The following CSMD1 variants were observed in gnomAD, a reference collection of about 807,000 sequenced individuals.
CSMD1 encodes the protein CUB and Sushi multiple domains 1, also known as CUB and sushi domain-containing protein 1.
Under a neutral mutation model 417.5 loss-of-function variants are expected in CSMD1, and 213 were observed. That is an observed-to-expected ratio of 0.51 (90% CI 0.46 to 0.57). The LOEUF (loss-of-function observed/expected upper bound fraction) is 0.57. CSMD1 is among the 20% of genes least tolerant of loss of function. The pLI, the probability that CSMD1 is intolerant of heterozygous loss-of-function variation, is 0.00. For synonymous variants in CSMD1, 2,862 were observed against 1,736.8 expected (o/e 1.65, Z -16.11); for missense variants, 6,923 against 4,529.7 (o/e 1.53, Z -15.17).
rs537082583 is a variant in CSMD1, at chr8:4,858,216, C to A, written c.85+136116G>T. Among the ~76,000 whole-genome samples, 130 of 149,284 alleles carry A rather than the reference C, an allele frequency of 8.7e-4. 1 individual carries two copies. The highest frequency in any genetic ancestry group is 3.1e-3 in the African/African-American group (123 of 40,268). On this transcript the variant is annotated intron_variant, in intron 1 of 69. Transcript: ENST00000635120. ...AAAGCCTTTGACAAAATTCAACAAA[C>A]CTTCATGCTAAAAACTCTCAATAAA... is the stretch of plus-strand genomic sequence containing the variant.
chr8:4,286,618 C>G (rs370746484), intron 3 of CSMD1, among the ~76,000 whole-genome samples: 7 of 152,246 alleles, frequency 4.6e-5, no homozygotes, highest in African/African-American at 1.7e-4. Flanking sequence ...GGGAACACCA[C>G]TTGACCTCGA....
At chr8:4,966,260 T>C (rs1188105902) in intron 1 of CSMD1, among the ~76,000 whole-genome samples, 2 of 147,546 alleles carry the variant, frequency 1.4e-5, no homozygotes, top group South Asian at 2.2e-4. Flanking sequence ...ATGCCTGTAA[T>C]CCCAGCTACT....
intron 1 of CSMD1, among the ~76,000 whole-genome samples, chr8:4,986,598 G>GA (rs143440043): frequency 0.015 from 2,289 of 151,612 alleles, 54 homozygotes; most frequent in African/African-American, 0.051. Flanking sequence ...AACAGTAAAA[G>GA]AAAAAAAATA....
At chr8:4,079,791 A>T (rs1194866176) in intron 3 of CSMD1, among the ~76,000 whole-genome samples, 1 of 152,134 alleles carries the variant, frequency 6.6e-6, no homozygotes, top group Non-Finnish European at 1.5e-5. Context: ...TCTTTTCATC[A>T]GGTTAGTAGC....
chr8:4,473,729 T>A (rs1339445282), intron 2 of CSMD1, among the ~76,000 whole-genome samples: 2 of 152,198 alleles, frequency 1.3e-5, no homozygotes, highest in Non-Finnish European at 2.9e-5. Flanking sequence ...TAGCATGTAG[T>A]AACACATAAA....
At chr8:3,478,953 G>A (rs998214582) in intron 11 of CSMD1, among the ~76,000 whole-genome samples, 3 of 151,854 alleles carry the variant, frequency 2.0e-5, no homozygotes, top group South Asian at 2.1e-4. Flanking sequence ...TAGGTGACGG[G>A]GCACTGCAAA....
chr8:4,708,340 C>G (rs753858754), intron 1 of CSMD1, among the ~76,000 whole-genome samples: 2 of 152,130 alleles, frequency 1.3e-5, no homozygotes, highest in Non-Finnish European at 2.9e-5. Context: ...AATGTAAGCT[C>G]CGTGAACATT....
At chr8:4,884,386 C>A (rs1445454827) in intron 1 of CSMD1, among the ~76,000 whole-genome samples, 1 of 151,948 alleles carries the variant, frequency 6.6e-6, no homozygotes, top group African/African-American at 2.4e-5. Flanking sequence ...TGATGAAGTC[C>A]AATATCTATA....
intron 7 of CSMD1, among the ~76,000 whole-genome samples, chr8:3,624,589 G>A (rs1323311026): frequency 2.0e-5 from 3 of 152,098 alleles, no homozygotes; most frequent in Non-Finnish European, 4.4e-5. Context: ...CCTTCAGAGA[G>A]GTGACGTATG....
intron 5 of CSMD1, among the ~76,000 whole-genome samples, chr8:3,911,295 T>C (rs187777401): frequency 2.6e-5 from 4 of 151,862 alleles, no homozygotes; most frequent in African/African-American, 4.9e-5. Flanking sequence ...TCTATAATCA[T>C]AGATCCTTTT....
At chr8:3,677,049 T>A (rs1426893426) in intron 7 of CSMD1, among the ~76,000 whole-genome samples, 1 of 151,942 alleles carries the variant, frequency 6.6e-6, no homozygotes, top group Non-Finnish European at 1.5e-5. Context: ...AAATACCTAA[T>A]GCATACGGGG....
At chr8:3,062,372 T>C (rs896053999) in intron 49 of CSMD1, among the ~76,000 whole-genome samples, 2 of 152,168 alleles carry the variant, frequency 1.3e-5, no homozygotes, top group East Asian at 3.9e-4. Flanking sequence ...TTTTCTTTAC[T>C]ATGTGTAGGT....
intron 41 of CSMD1, among the ~76,000 whole-genome samples, chr8:3,139,113 C>G (rs543142303): frequency 6.6e-6 from 1 of 152,098 alleles, no homozygotes; most frequent in African/African-American, 2.4e-5. Context: ...AGCTCAGCTT[C>G]GGGCACATGT....
chr8:3,429,515 T>C (rs1814076976), intron 12 of CSMD1, among the ~76,000 whole-genome samples: 1 of 152,132 alleles, frequency 6.6e-6, no homozygotes, highest in South Asian at 2.1e-4. Context: ...GAAAAAGGCA[T>C]GAAGACACTT....
At chr8:4,056,798 T>A (rs1209590806) in intron 3 of CSMD1, among the ~76,000 whole-genome samples, 1 of 152,130 alleles carries the variant, frequency 6.6e-6, no homozygotes, top group East Asian at 1.9e-4. Flanking sequence ...TCGTTTTTTG[T>A]CCTTGTGATA....
chr8:4,043,808 C>T (rs1274283335), intron 3 of CSMD1, among the ~76,000 whole-genome samples: 2 of 152,138 alleles, frequency 1.3e-5, no homozygotes, highest in African/African-American at 2.4e-5. Context: ...AAACCTTACA[C>T]GTCTCCAAAT....
At chr8:3,238,502 G>A (rs142642928) in intron 26 of CSMD1, among the ~76,000 whole-genome samples, 1,928 of 152,182 alleles carry the variant, frequency 0.013, 94 homozygotes, top group Admixed American at 0.089. Flanking sequence ...GACATAATGG[G>A]CGATGTTTCT....
intron 26 of CSMD1, among the ~76,000 whole-genome samples, chr8:3,261,074 C>G (rs972114964): frequency 5.3e-5 from 8 of 152,108 alleles, no homozygotes; most frequent in African/African-American, 1.9e-4. Flanking sequence ...TGAAAAGATG[C>G]TCTAAATTAG....
At chr8:3,907,681 T>G (rs1226659173) in intron 5 of CSMD1, among the ~76,000 whole-genome samples, 4 of 152,178 alleles carry the variant, frequency 2.6e-5, no homozygotes, top group Non-Finnish European at 5.9e-5. Context: ...GCAGAGATCC[T>G]GAGAGCAATG....
Sources: allele counts gnomAD v4.1 joint callset (sites outside exome capture counted in the v4.1 genomes callset), GRCh38; gene constraint gnomAD v4.1.1; transcripts MANE v1.5; gene names NCBI Gene and HGNC (gene_info 2026-07-23, HGNC 2026-07-21).